ARL8A: variants seen among roughly 807,000 people sequenced by gnomAD.
ARL8A encodes the protein ADP-ribosylation factor-like protein 8A.
A neutral mutation model predicts 31.2 loss-of-function variants in ARL8A; 10 were observed. That is an observed-to-expected ratio of 0.32 (90% CI 0.20 to 0.54). The LOEUF is 0.54. ARL8A is among the 20% of genes least tolerant of loss of function. The pLI, the probability that ARL8A is intolerant of heterozygous loss-of-function variation, is 0.93. For synonymous variants in ARL8A, 70 were observed against 86.9 expected (o/e 0.81, Z 1.08); for missense variants, 129 against 242.8 (o/e 0.53, Z 3.12).
Position 202,135,818 on chromosome 1 carries a change from G to T in ARL8A, c.279-18C>A, listed in dbSNP as rs768735012. On this transcript the variant is annotated intron_variant, in intron 3 of 6. Transcript: ENST00000272217. This position sits in a 1 kb window ranked among gnomAD's most constrained non-coding sequence, Gnocchi z 5.3. ...CCATGTACCTGGGGAAAGAGGCAGGGTGGGGACAAGCATGTTGACACCACA... is the reference window on the plus strand; with the variant it reads ...CCATGTACCTGGGGAAAGAGGCAGGTTGGGGACAAGCATGTTGACACCACA... 6.2e-7 allele frequency: 1 copy of T among 1,602,272 alleles called. No individual in the cohort carries two copies. Among genetic ancestry groups the T allele is most frequent in the Non-Finnish European group, 8.6e-7 (1 of 1,169,204 alleles).
At chr1:202,139,503 G>A (rs1655108274) in intron 1 of ARL8A, among the ~76,000 whole-genome samples, 1 of 151,674 alleles carries the variant, frequency 6.6e-6, no homozygotes, top group Non-Finnish European at 1.5e-5. Flanking sequence ...AACCCAGGAG[G>A]TGGAGGTTGC....
In ARL8A at chr1:202,135,579, T is replaced by A. The variant is rs1654984137; in HGVS notation, c.373-53A>T. 23 of 1,601,086 alleles carry A rather than the reference T, an allele frequency of 1.4e-5. No individual in the cohort carries two copies. The South Asian group carries it at 2.5e-4, about 18-fold the overall frequency. On this transcript the variant is annotated intron_variant, in intron 4 of 6. Coordinates refer to ENST00000272217, the MANE Select transcript of ARL8A (RefSeq NM_138795.4). The surrounding 1 kb of genome is among the most constrained non-coding windows in gnomAD (Gnocchi z 5.3). ...GTCTAGGGCAGCCGTGCCCAGGTTG[T>A]CTGGGTGGTGAGCTGGCCTCCTGGG... is the stretch of plus-strand genomic sequence containing the variant.
Position 202,133,712 on chromosome 1 carries a change from G to A in ARL8A, c.*755C>T, listed in dbSNP as rs1654925197. The stretch of plus-strand genomic sequence containing the variant: ...AGCTGGGAGCCAGGAACAGGCAGGA[G>A]GGGGCTGCTGGGGCATGGACGCTGG... On this transcript the variant is annotated 3_prime_UTR_variant, in exon 7 of 7. Coordinates refer to ENST00000272217, the MANE Select transcript of ARL8A (RefSeq NM_138795.4). The A allele has an allele frequency of 6.6e-6, 1 of 152,292 alleles. No homozygotes were observed. Among genetic ancestry groups the A allele is most frequent in the South Asian group, 2.1e-4 (1 of 4,832 alleles). The allele number at this position is 152,292 out of a possible 1,614,324, so 9.4% of individuals were successfully genotyped here.
rs1571720894 is a variant in ARL8A at position 202,138,559 on chromosome 1, C to T, written c.124-111G>A. ...GCCAGGCCAGAGCTTCCTAGACTTC[C>T]CACTGTGGGGTACTCTTGCACATCC... On this transcript the variant is annotated intron_variant, in intron 1 of 6. Coordinates refer to ENST00000272217, the MANE Select transcript of ARL8A (RefSeq NM_138795.4). This position sits in a 1 kb window ranked among gnomAD's most constrained non-coding sequence, Gnocchi z 4.4. 10 of 984,106 alleles carry T rather than the reference C, an allele frequency of 1.0e-5. No individual in the cohort carries two copies. In the East Asian group the frequency reaches 1.7e-4, roughly 17 times the overall value. The allele number at this position is 984,106 out of a possible 1,614,324, so 61.0% of individuals were successfully genotyped here.
At chr1:202,136,382 C>T (rs916591534) in intron 3 of ARL8A, among the ~76,000 whole-genome samples, 3 of 151,614 alleles carry the variant, frequency 2.0e-5, no homozygotes, top group South Asian at 4.2e-4. Context: ...CAGGTTCAAG[C>T]GATTCTCCTG....
At chr1:202,141,163 G>A (rs549700836) in intron 1 of ARL8A, among the ~76,000 whole-genome samples, 5 of 152,182 alleles carry the variant, frequency 3.3e-5, no homozygotes, top group South Asian at 2.1e-4. Flanking sequence ...GCTGTGAATC[G>A]GAGCTAAGGT....
intron 3 of ARL8A, among the ~76,000 whole-genome samples, chr1:202,136,978 G>T (rs56821328): frequency 1.3e-5 from 2 of 151,092 alleles, no homozygotes; most frequent in Non-Finnish European, 3.0e-5. Flanking sequence ...CCTCAGCCTC[G>T]CGAGTAGCTG....
At chr1:202,142,888 C>A (rs1207660496) in intron 1 of ARL8A, among the ~76,000 whole-genome samples, 3 of 152,088 alleles carry the variant, frequency 2.0e-5, no homozygotes, top group Non-Finnish European at 2.9e-5. Context: ...ATACCTAGGC[C>A]CAGCTGCATT....
chr1:202,135,250 G>A lies in ARL8A; in HGVS notation c.441-30C>T. On this transcript the variant is annotated intron_variant, in intron 5 of 6. Transcript: ENST00000272217. The surrounding 1 kb of genome is among the most constrained non-coding windows in gnomAD (Gnocchi z 5.3). ...GGGAAACCAGAGTAGAGTCCGCTGA[G>A]GCTACGAACGTCCAGGGGGCCTGGG... is the stretch of plus-strand genomic sequence containing the variant. 1 of 1,599,552 alleles carries A rather than the reference G, an allele frequency of 6.3e-7. No individual in the cohort carries two copies. The highest frequency in any genetic ancestry group is 1.1e-5 in the South Asian group (1 of 90,804).
chr1:202,137,901 G>A (rs371875338), intron 3 of ARL8A, 64 bp downstream of exon 3: 12 of 1,573,074 alleles, frequency 7.6e-6, no homozygotes, highest in African/African-American at 5.4e-5. Flanking sequence ...TGAGGTCCTC[G>A]AAGGTAGCAG....
chr1:202,134,604 G>T lies in ARL8A; in HGVS notation c.512-88C>A. On this transcript the variant is annotated intron_variant, in intron 6 of 6. Transcript: ENST00000272217. The surrounding 1 kb of genome is among the most constrained non-coding windows in gnomAD (Gnocchi z 4.2). ...AGAGGCCCAAGAAACCAAACCTAAG[G>T]GTATCAGAAGTCCAGAGATGCCAGG... The T allele has an allele frequency of 8.1e-7, 1 of 1,236,246 alleles. No individual in the cohort carries two copies. The highest frequency in any genetic ancestry group is 1.2e-5 in the South Asian group (1 of 83,074). The allele number at this position is 1,236,246 out of a possible 1,614,324, so 76.6% of individuals were successfully genotyped here.
At chr1:202,139,199 G>C (rs1184983538) in intron 1 of ARL8A, among the ~76,000 whole-genome samples, 1 of 152,130 alleles carries the variant, frequency 6.6e-6, no homozygotes. Context: ...CTTCAAATAA[G>C]GCCAGACCCA....
Position 202,138,252 on chromosome 1 carries a change from C to A in ARL8A, c.204+116G>T. On this transcript the variant is annotated intron_variant, in intron 2 of 6. Coordinates refer to ENST00000272217, the MANE Select transcript of ARL8A (RefSeq NM_138795.4). This position sits in a 1 kb window ranked among gnomAD's most constrained non-coding sequence, Gnocchi z 4.4. ...AGCAGGGGGACCCTGGCCTCTGCCC[C>A]ACTTCAGCTCGCTCCTCCCAGGGGC... 7.9e-7 allele frequency: 1 copy of A among 1,270,190 alleles called. No individual in the cohort carries two copies. The highest frequency in any genetic ancestry group is 2.5e-4 in the Middle Eastern group (1 of 4,072). 78.7% of individuals were successfully genotyped at this position (1,270,190 alleles called of 1,614,324 possible). A position where few individuals can be genotyped will look rare whatever the true frequency, so the allele number is the denominator to read the frequency against.
At position 202,135,752 on chromosome 1, in the gene ARL8A, G is replaced by A. The variant is rs376883525; in HGVS notation, c.327C>T (p.Asn109=). 9.9e-6 allele frequency: 16 copies of A among 1,614,170 alleles called. No homozygotes were observed. Among genetic ancestry groups the A allele is most frequent in the Admixed American group, 1.7e-5 (1 of 60,022 alleles). The change falls in exon 4 of 7, where the codon AAC becomes AAT. Residue 109 remains asparagine, a synonymous_variant. Transcript: ENST00000272217. This position sits in a 1 kb window ranked among gnomAD's most constrained non-coding sequence, Gnocchi z 5.3. Reference sequence around the variant, plus strand: ...GTTTGTCCAGTAGGTTGTGGAGCTCGTTCTTAGAGGCCTCAATCTTCTCCT... The same window carrying A: ...GTTTGTCCAGTAGGTTGTGGAGCTCATTCTTAGAGGCCTCAATCTTCTCCT... The part of the protein sequence containing the change: ...ADQEKIEASK[N]ELHNLLDKPQ...
chr1:202,138,060 T>C lies in ARL8A; in HGVS notation c.205-22A>G. The C allele has an allele frequency of 6.2e-7, 1 of 1,613,696 alleles. No homozygotes were observed. Among genetic ancestry groups the C allele is most frequent in the Non-Finnish European group, 8.5e-7 (1 of 1,179,900 alleles). ...AGAGCTGAGCAAGAAGAGGGTGAGA[T>C]AGCCTCAGTAGTGGGCAGGCCACCA... On this transcript the variant is annotated intron_variant, in intron 2 of 6. Coordinates refer to ENST00000272217, the MANE Select transcript of ARL8A (RefSeq NM_138795.4). This position sits in a 1 kb window ranked among gnomAD's most constrained non-coding sequence, Gnocchi z 4.4.
Position 202,135,920 on chromosome 1 carries a change from A to G in ARL8A, c.279-120T>C. The G allele has an allele frequency of 1.1e-6, 1 of 886,436 alleles. No individual in the cohort carries two copies. Among genetic ancestry groups the G allele is most frequent in the South Asian group, 1.4e-5 (1 of 69,406 alleles). 54.9% of individuals were successfully genotyped at this position (886,436 alleles called of 1,614,324 possible). ...TCTGTTGCAGCTTGGTCACCTCGGGATCCATGGGCTACCTGGCCTGGCTCA... is the reference window on the plus strand; with the variant it reads ...TCTGTTGCAGCTTGGTCACCTCGGGGTCCATGGGCTACCTGGCCTGGCTCA... On this transcript the variant is annotated intron_variant, in intron 3 of 6. Coordinates refer to ENST00000272217, the MANE Select transcript of ARL8A (RefSeq NM_138795.4). The surrounding 1 kb of genome is among the most constrained non-coding windows in gnomAD (Gnocchi z 5.3).
At chr1:202,136,817 C>T (rs959241366) in intron 3 of ARL8A, among the ~76,000 whole-genome samples, 43 of 152,138 alleles carry the variant, frequency 2.8e-4, no homozygotes, top group African/African-American at 9.9e-4. Flanking sequence ...AATCCGTCTG[C>T]CTTGGCCTCC....
In ARL8A at chr1:202,138,505, G is replaced by T; in HGVS notation, c.124-57C>A. ...CAAAAATCGATATGCCCCCACCGCA[G>T]ACCAAGAGGCTGCGAGAACCATGCA... On this transcript the variant is annotated intron_variant, in intron 1 of 6. Transcript: ENST00000272217. The surrounding 1 kb of genome is among the most constrained non-coding windows in gnomAD (Gnocchi z 4.4). 1 of 1,535,598 alleles carries T rather than the reference G, an allele frequency of 6.5e-7. No individual in the cohort carries two copies. The highest frequency in any genetic ancestry group is 1.1e-5 in the South Asian group (1 of 89,298).
Position 202,138,168 on chromosome 1 carries a change from C to T in ARL8A, c.205-130G>A, listed in dbSNP as rs1255115563. The T allele has an allele frequency of 6.8e-6, 8 of 1,170,058 alleles. No homozygotes were observed. Among genetic ancestry groups the T allele is most frequent in the African/African-American group, 1.5e-5 (1 of 65,768 alleles). The allele number at this position is 1,170,058 out of a possible 1,614,324, so 72.5% of individuals were successfully genotyped here. A position where few individuals can be genotyped will look rare whatever the true frequency, so the allele number is the denominator to read the frequency against. On this transcript the variant is annotated intron_variant, in intron 2 of 6. Transcript: ENST00000272217. The surrounding 1 kb of genome is among the most constrained non-coding windows in gnomAD (Gnocchi z 4.4). ...CCCGGCTTCCTCTCCAGTTCTCCCC[C>T]GTCTCCACCCGCTCTCCGTCTACCT...
Sources: gnomAD v4.1 joint callset for allele counts (sites outside exome capture counted in the v4.1 genomes callset) on GRCh38, gnomAD v4.1.1 for gene constraint, Gnocchi (gnomAD v3.1) non-coding constraint, MANE v1.5 for transcripts, NCBI Gene and HGNC (gene_info 2026-07-23, HGNC 2026-07-21) for gene names.